SLC37A3: variants seen among roughly 807,000 people sequenced by gnomAD.
The protein encoded by SLC37A3 is solute carrier family 37 member 3.
Under a neutral mutation model 67.1 loss-of-function variants are expected in SLC37A3, and 51 were observed. The observed-to-expected ratio is 0.76, with a 90% CI of 0.61 to 0.96. The LOEUF is 0.96. Among genes scored for constraint, SLC37A3 ranks in the 40% least tolerant of loss-of-function variants. The pLI is 0.00. For missense variants in SLC37A3, 508 were observed against 603.0 expected (o/e 0.84, Z 1.65); for synonymous variants, 214 against 231.4 (o/e 0.92, Z 0.68).
At chr7:140,397,825 G>A (rs1798998369) in intron 1 of SLC37A3, among the ~76,000 whole-genome samples, 1 of 151,988 alleles carries the variant, frequency 6.6e-6, no homozygotes, top group Non-Finnish European at 1.5e-5. Context: ...TAAAAACTCC[G>A]GGGACACATT....
chr7:140,380,633 C>T (rs1798213775), intron 2 of SLC37A3, among the ~76,000 whole-genome samples: 1 of 152,114 alleles, frequency 6.6e-6, no homozygotes, highest in East Asian at 1.9e-4. Flanking sequence ...TAGGCTTCAC[C>T]TCCTGGGCTC....
In SLC37A3 at chr7:140,364,394, A is replaced by G. The variant is rs376593337; in HGVS notation, c.375+14T>C. ...ACCTGACCAAAATAATAATAATAAG[A>G]CCTTTCAACTTACCACTAATGCAGA... is the stretch of plus-strand genomic sequence containing the variant. On this transcript the variant is annotated intron_variant, in intron 5 of 14. Transcript: ENST00000326232. 4.4e-5 allele frequency: 71 copies of G among 1,608,384 alleles called. No homozygotes were observed. The highest frequency in any genetic ancestry group is 4.9e-5 in the Non-Finnish European group (58 of 1,177,542).
intron 1 of SLC37A3, among the ~76,000 whole-genome samples, chr7:140,395,830 G>A (rs903479935): frequency 1.3e-5 from 2 of 152,234 alleles, no homozygotes; most frequent in African/African-American, 4.8e-5. Flanking sequence ...CAAAGGAGAG[G>A]GGCATTAGAT....
At chr7:140,391,475 A>G (rs10452887) in intron 1 of SLC37A3, among the ~76,000 whole-genome samples, 103,030 of 152,112 alleles carry the variant, frequency 0.68, 35,110 homozygotes, top group South Asian at 0.8. Flanking sequence ...AGAATCACTT[A>G]AAACCGGGAG....
At chr7:140,363,699 AATAAAT>A (rs1295769143) in intron 5 of SLC37A3, among the ~76,000 whole-genome samples, 7 of 89,370 alleles carry the variant, frequency 7.8e-5, no homozygotes, top group African/African-American at 2.3e-4. Context: ...ATAAAAAAAA[AATAAAT>A]AAAAAAATAA....
intron 14 of SLC37A3, 29 bp from the exon 15 acceptor site, chr7:140,335,533 C>A: frequency 6.2e-7 from 1 of 1,605,510 alleles, no homozygotes. Flanking sequence ...ATTAAATATG[C>A]AGCAACAGTT....
intron 1 of SLC37A3, among the ~76,000 whole-genome samples, chr7:140,392,444 G>A (rs940657104): frequency 1.3e-5 from 2 of 151,984 alleles, no homozygotes; most frequent in Non-Finnish European, 2.9e-5. Flanking sequence ...TCACTCCCCA[G>A]CCTCTCGGTT....
intron 7 of SLC37A3, among the ~76,000 whole-genome samples, chr7:140,352,680 A>T (rs1002715511): frequency 5.9e-5 from 9 of 152,164 alleles, no homozygotes; most frequent in African/African-American, 2.2e-4. Flanking sequence ...TCAATTGCCC[A>T]TCTTTCCAGG....
intron 5 of SLC37A3, among the ~76,000 whole-genome samples, chr7:140,360,475 T>C (rs1293672340): frequency 1.3e-5 from 2 of 152,178 alleles, no homozygotes; most frequent in African/African-American, 4.8e-5. Flanking sequence ...GGCTCACCCC[T>C]GTAATCCCAG....
intron 11 of SLC37A3, among the ~76,000 whole-genome samples, 180 bp from the exon 12 acceptor site, chr7:140,345,443 T>C (rs1292747172): frequency 6.6e-6 from 1 of 152,214 alleles, no homozygotes; most frequent in Non-Finnish European, 1.5e-5. Context: ...CTCTTGCTAA[T>C]GCTCAAGCTA....
intron 3 of SLC37A3, among the ~76,000 whole-genome samples, chr7:140,375,924 CCA>C (rs1274049708): frequency 6.6e-6 from 1 of 152,150 alleles, no homozygotes; most frequent in Non-Finnish European, 1.5e-5. Flanking sequence ...AGTGACATTC[CCA>C]CATTTTCCCT....
intron 14 of SLC37A3, among the ~76,000 whole-genome samples, chr7:140,336,857 G>C (rs1563002037): frequency 6.6e-6 from 1 of 150,574 alleles, no homozygotes; most frequent in Non-Finnish European, 1.5e-5. Context: ...CCAGCACTTT[G>C]GGAGGCCGAG....
At position 140,348,687 on chromosome 7, in the gene SLC37A3, G is replaced by T; in HGVS notation, c.963C>A (p.Phe321Leu). Residue 321 changes from phenylalanine to leucine, a missense_variant, in exon 10 of 15, where the codon TTC becomes TTA. Transcript: ENST00000326232. ...FWLPFYLSNN[F>L]GWKEAEADKL... ...TGTCGGCTTCCGCCTCCTTCCAGCC[G>T]AAGTTGTTACTCAGATAAAAGGGGA... 1 of 1,614,086 alleles carries T rather than the reference G, an allele frequency of 6.2e-7. No homozygotes were observed. Among genetic ancestry groups the T allele is most frequent in the Non-Finnish European group, 8.5e-7 (1 of 1,180,004 alleles).
At chr7:140,374,183 T>C (rs1054400687) in intron 3 of SLC37A3, among the ~76,000 whole-genome samples, 2 of 152,258 alleles carry the variant, frequency 1.3e-5, no homozygotes, top group East Asian at 3.9e-4. Context: ...ATTTCTGAGA[T>C]GGGTTGTTAC....
intron 1 of SLC37A3, among the ~76,000 whole-genome samples, chr7:140,386,046 G>C (rs893172433): frequency 6.6e-6 from 1 of 152,110 alleles, no homozygotes; most frequent in Non-Finnish European, 1.5e-5. Context: ...GCCTCCCAAA[G>C]TGCTGGCATC....
chr7:140,343,600 C>T, intron 12 of SLC37A3, 37 bp from the exon 13 acceptor site: 1 of 1,606,990 alleles, frequency 6.2e-7, no homozygotes, highest in Non-Finnish European at 8.5e-7. Flanking sequence ...AAACACAATT[C>T]ACAACCACTA....
intron 1 of SLC37A3, 27 bp from the exon 2 acceptor site, chr7:140,382,623 A>G: frequency 1.0e-6 from 1 of 1,000,634 alleles, no homozygotes; most frequent in Non-Finnish European, 1.5e-6. Flanking sequence ...CATTATGGAC[A>G]TTATTAAACA....
Position 140,334,220 on chromosome 7 carries a change from T to C in SLC37A3, c.*1192A>G, listed in dbSNP as rs1796047925. The stretch of plus-strand genomic sequence containing the variant: ...AATGTACAATATTCAATAAATTACA[T>C]GATATATTCAACACTCGATTATAAA... On this transcript the variant is annotated 3_prime_UTR_variant, in exon 15 of 15. Coordinates refer to ENST00000326232, the MANE Select transcript of SLC37A3 (RefSeq NM_207113.3). The C allele has an allele frequency of 6.6e-6, 1 of 152,192 alleles. No individual in the cohort carries two copies. Among genetic ancestry groups the C allele is most frequent in the South Asian group, 2.1e-4 (1 of 4,830 alleles). The allele number at this position is 152,192 out of a possible 1,614,324, so 9.4% of individuals were successfully genotyped here.
chr7:140,373,042 A>G (rs1797886470), intron 3 of SLC37A3, among the ~76,000 whole-genome samples: 1 of 151,992 alleles, frequency 6.6e-6, no homozygotes, highest in Admixed American at 6.6e-5. Flanking sequence ...ACCTCCGCCT[A>G]TCGGGTTCAA....
Sources: gnomAD v4.1 joint callset for allele counts (sites outside exome capture counted in the v4.1 genomes callset) on GRCh38, gnomAD v4.1.1 for gene constraint, MANE v1.5 for transcripts, NCBI Gene and HGNC (gene_info 2026-07-23, HGNC 2026-07-21) for gene names.